JAKMIP3: variants seen among roughly 807,000 people sequenced by gnomAD.
The protein encoded by JAKMIP3 is janus kinase and microtubule-interacting protein 3.
JAKMIP3 carries 58 observed loss-of-function variants against 118.5 expected under a neutral mutation model. That is an observed-to-expected ratio of 0.49 (90% CI 0.40 to 0.61). The LOEUF (loss-of-function observed/expected upper bound fraction) is 0.61, where lower values mean the gene tolerates loss of function less well. Ranked by LOEUF, JAKMIP3 falls within the 20% of genes least tolerant of loss-of-function variation. The probability of loss-of-function intolerance (pLI) is 0.00; values close to 1 mark genes in which losing one functional copy is unlikely to be tolerated. For synonymous variants in JAKMIP3, 486 were observed against 451.2 expected (o/e 1.08, Z -0.98); for missense variants, 950 against 1,109.0 (o/e 0.86, Z 2.04).
At chr10:132,084,485 A>G (rs997418385) in intron 1 of JAKMIP3, among the ~76,000 whole-genome samples, 6 of 152,238 alleles carry the variant, frequency 3.9e-5, no homozygotes, top group African/African-American at 1.4e-4. Context: ...ATCAGCAAAC[A>G]GTGACAATTC....
At chr10:132,165,589 G>A (rs2058814658) in intron 21 of JAKMIP3, among the ~76,000 whole-genome samples, 1 of 152,226 alleles carries the variant, frequency 6.6e-6, no homozygotes, top group Non-Finnish European at 1.5e-5. Context: ...ACAGGAGGCT[G>A]GCATTGGGAT....
At chr10:132,133,559 C>A in intron 4 of JAKMIP3, 32 bp downstream of exon 4, 1 of 1,536,154 alleles carries the variant, frequency 6.5e-7, no homozygotes, top group Non-Finnish European at 8.8e-7. Flanking sequence ...CGGCCCACCC[C>A]GTGTCACAGA....
At chr10:132,126,130 C>T (rs747459910) in intron 3 of JAKMIP3, among the ~76,000 whole-genome samples, 6 of 152,062 alleles carry the variant, frequency 3.9e-5, no homozygotes, top group Non-Finnish European at 8.8e-5. Context: ...CCTTAATGCA[C>T]TGTGAAGGCC....
chr10:132,047,337 G>C (rs1312550621), intron 1 of JAKMIP3, among the ~76,000 whole-genome samples: 1 of 152,222 alleles, frequency 6.6e-6, no homozygotes, highest in Non-Finnish European at 1.5e-5. Flanking sequence ...GCATTACTGC[G>C]TTAATTGATA....
At chr10:132,172,322 C>T (rs2059571583) in intron 23 of JAKMIP3, among the ~76,000 whole-genome samples, 1 of 152,074 alleles carries the variant, frequency 6.6e-6, no homozygotes. Flanking sequence ...AGGCCGTAAC[C>T]TTGATCACTT....
intron 1 of JAKMIP3, among the ~76,000 whole-genome samples, chr10:132,085,459 C>G (rs891697532): frequency 2.7e-5 from 4 of 148,836 alleles, no homozygotes; most frequent in Non-Finnish European, 5.9e-5. Context: ...TTCCTCTCTT[C>G]TTTTCTTGGT....
chr10:132,171,473 A>G (rs545550778), intron 23 of JAKMIP3, among the ~76,000 whole-genome samples: 2 of 152,276 alleles, frequency 1.3e-5, no homozygotes, highest in Admixed American at 6.5e-5. Context: ...TGCCCAGTAA[A>G]TGAGACGCGA....
intron 9 of JAKMIP3, among the ~76,000 whole-genome samples, chr10:132,139,721 A>C (rs189593118): frequency 6.6e-6 from 1 of 152,202 alleles, no homozygotes; most frequent in African/African-American, 2.4e-5. Context: ...GGGGAGGCAC[A>C]CAGGACAGGG....
chr10:132,176,181 G>C (rs1565010883), intron 23 of JAKMIP3, among the ~76,000 whole-genome samples: 1 of 152,254 alleles, frequency 6.6e-6, no homozygotes, highest in Non-Finnish European at 1.5e-5. Context: ...CCAGCCGCAA[G>C]AGGGAACGGG....
chr10:132,145,846 C>T (rs1013373512), intron 13 of JAKMIP3, among the ~76,000 whole-genome samples: 1 of 152,208 alleles, frequency 6.6e-6, no homozygotes, highest in Admixed American at 6.5e-5. Flanking sequence ...CATCTCCATT[C>T]GTGTCCCGTT....
At chr10:132,120,228 C>T (rs1425266658) in intron 3 of JAKMIP3, among the ~76,000 whole-genome samples, 8 of 152,230 alleles carry the variant, frequency 5.3e-5, no homozygotes, top group Non-Finnish European at 1.0e-4. Flanking sequence ...GCTTAAACCC[C>T]TGTCAGTGGG....
chr10:132,149,627 C>CCACCCCCTCCGCCCCCGCCA, intron 15 of JAKMIP3, 117 bp downstream of exon 15: 1 of 131,408 alleles, frequency 7.6e-6, no homozygotes, highest in Non-Finnish European at 1.3e-5. Flanking sequence ...CGCCCCCGCC[C>CCACCCCCTCCGCCCCCGCCA]CACCCCCTCC....
chr10:132,047,494 A>C (rs1200516978), intron 1 of JAKMIP3, among the ~76,000 whole-genome samples: 3 of 152,142 alleles, frequency 2.0e-5, no homozygotes, highest in African/African-American at 7.2e-5. Flanking sequence ...TTTCTTTCCC[A>C]GCTAGCATCT....
intron 23 of JAKMIP3, among the ~76,000 whole-genome samples, chr10:132,175,336 G>T (rs80123411): frequency 2.6e-4 from 39 of 152,112 alleles, no homozygotes; most frequent in Admixed American, 2.6e-3. Flanking sequence ...GTCCACCCAA[G>T]AACATCCTTG....
intron 1 of JAKMIP3, among the ~76,000 whole-genome samples, chr10:132,041,575 G>A (rs908801917): frequency 6.6e-6 from 1 of 152,256 alleles, no homozygotes; most frequent in Non-Finnish European, 1.5e-5. Context: ...GACTTGGCTG[G>A]GGCTGGGCCA....
At chr10:132,056,350 C>G (rs1022996999) in intron 1 of JAKMIP3, among the ~76,000 whole-genome samples, 8 of 152,176 alleles carry the variant, frequency 5.3e-5, no homozygotes, top group African/African-American at 1.7e-4. Flanking sequence ...TAATCGCAAG[C>G]TGTGAGCATG....
intron 10 of JAKMIP3, among the ~76,000 whole-genome samples, chr10:132,141,046 T>C (rs2053411268): frequency 6.6e-6 from 1 of 152,172 alleles, no homozygotes; most frequent in Admixed American, 6.5e-5. Flanking sequence ...CACCAGCCCC[T>C]TCTTCCAGAA....
intron 12 of JAKMIP3, 105 bp downstream of exon 12, chr10:132,145,295 C>T (rs1464136841): frequency 6.7e-6 from 7 of 1,041,058 alleles, no homozygotes; most frequent in African/African-American, 4.7e-5. Flanking sequence ...CTTTCTACAG[C>T]CTTGACCTCC....
At chr10:132,037,844 A>ACCCCTG (rs1004113706) in intron 1 of JAKMIP3, among the ~76,000 whole-genome samples, 1 of 151,760 alleles carries the variant, frequency 6.6e-6, no homozygotes, top group African/African-American at 2.4e-5. Flanking sequence ...GCTTCCCCCT[A>ACCCCTG]CCCCTGCCCC....
Sources: gnomAD v4.1 joint callset for allele counts (sites outside exome capture counted in the v4.1 genomes callset) on GRCh38, gnomAD v4.1.1 for gene constraint, MANE v1.5 for transcripts, NCBI Gene and HGNC (gene_info 2026-07-23, HGNC 2026-07-21) for gene names.